Variants in IFIH1 observed in about 807,000 individuals in gnomAD.
IFIH1 encodes interferon induced with helicase C domain 1, also known as interferon-induced helicase C domain-containing protein 1.
IFIH1 carries 125 observed loss-of-function variants against 107.4 expected under a neutral mutation model. The observed-to-expected ratio is 1.16, with a 90% CI of 1.01 to 1.35. IFIH1 has a LOEUF of 1.35. IFIH1 is among the 40% of genes most tolerant of loss of function. The probability of loss-of-function intolerance (pLI) is 0.00; values close to 1 mark genes in which losing one functional copy is unlikely to be tolerated. For missense variants in IFIH1, 1,333 were observed against 1,213.7 expected, an observed-to-expected ratio of 1.10 and a Z score of -1.46; for synonymous variants, 458 against 413.2, an observed-to-expected ratio of 1.11 and a Z score of -1.31.
Position 162,318,385 on chromosome 2 carries a change from C to T in IFIH1, c.-78G>A. 1 of 1,164,876 alleles carries T rather than the reference C, an allele frequency of 8.6e-7. No individual in the cohort carries two copies. Among genetic ancestry groups the T allele is most frequent in the Non-Finnish European group, 1.3e-6 (1 of 796,592 alleles). 72.2% of individuals were successfully genotyped at this position (1,164,876 alleles called of 1,614,324 possible). On this transcript the variant is annotated 5_prime_UTR_variant, in exon 1 of 16. Coordinates refer to ENST00000649979, the MANE Select transcript of IFIH1 (RefSeq NM_022168.4). ...CTGCGGGACAGGTGAAATGTGCGTGCCGCTGTCCGCTGCCCACTTAGAGAA... is the reference window on the plus strand; with the variant it reads ...CTGCGGGACAGGTGAAATGTGCGTGTCGCTGTCCGCTGCCCACTTAGAGAA...
intron 4 of IFIH1, among the ~76,000 whole-genome samples, chr2:162,290,534 A>G (rs188973021): frequency 6.6e-6 from 1 of 152,004 alleles, no homozygotes; most frequent in East Asian, 1.9e-4. Flanking sequence ...TTAAGTAGGC[A>G]TGTACCACAA....
At chr2:162,273,391 A>C (rs938273349) in intron 12 of IFIH1, among the ~76,000 whole-genome samples, 2 of 152,152 alleles carry the variant, frequency 1.3e-5, no homozygotes, top group Admixed American at 1.3e-4. Flanking sequence ...CAGAAACAGC[A>C]GGGCTCCCTC....
intron 14 of IFIH1, 85 bp from the exon 15 acceptor site, chr2:162,267,654 A>C: frequency 1.1e-4 from 111 of 977,016 alleles, no homozygotes; most frequent in Non-Finnish European, 1.6e-4. Flanking sequence ...CCTGGAGCTC[A>C]TCCGCATGCC....
intron 1 of IFIH1, among the ~76,000 whole-genome samples, chr2:162,317,106 C>A (rs1236070681): frequency 6.6e-6 from 1 of 151,428 alleles, no homozygotes; most frequent in East Asian, 1.9e-4. Context: ...TAATGTAGGG[C>A]AAAGATTGGA....
intron 11 of IFIH1, among the ~76,000 whole-genome samples, chr2:162,276,245 G>T (rs2105195996): frequency 6.6e-6 from 1 of 152,266 alleles, no homozygotes; most frequent in South Asian, 2.1e-4. Flanking sequence ...ATGTATTCAT[G>T]GGTGGTGAGA....
intron 4 of IFIH1, among the ~76,000 whole-genome samples, chr2:162,292,931 T>TC (rs11403491): frequency 6.6e-6 from 1 of 151,708 alleles, no homozygotes; most frequent in African/African-American, 2.4e-5. Flanking sequence ...ACTAACAAAT[T>TC]GGAAAACTGA....
At chr2:162,296,727 G>C (rs1683090259) in intron 3 of IFIH1, among the ~76,000 whole-genome samples, 1 of 152,096 alleles carries the variant, frequency 6.6e-6, no homozygotes, top group African/African-American at 2.4e-5. Context: ...AGAACTTAGA[G>C]AGATGATTTT....
chr2:162,288,962 C>A (rs1371591921), intron 4 of IFIH1, among the ~76,000 whole-genome samples: 2 of 149,864 alleles, frequency 1.3e-5, no homozygotes, highest in Non-Finnish European at 3.0e-5. Context: ...CACACAGACA[C>A]CCTATCTATC....
At chr2:162,287,802 C>T (rs1002302731) in intron 5 of IFIH1, among the ~76,000 whole-genome samples, 2 of 151,796 alleles carry the variant, frequency 1.3e-5, no homozygotes, top group East Asian at 1.9e-4. Flanking sequence ...AGCTAGTTAA[C>T]CTTAAAGTAT....
chr2:162,317,016 GGTGTGTGTGTGT>G (rs56835671), intron 1 of IFIH1, among the ~76,000 whole-genome samples: 4 of 143,948 alleles, frequency 2.8e-5, no homozygotes, highest in Admixed American at 6.9e-5. Flanking sequence ...AAAGAAAAAG[GGTGTGTGTGTGT>G]GTGTGTGTGT....
intron 13 of IFIH1, among the ~76,000 whole-genome samples, chr2:162,271,633 C>T (rs190694902): frequency 6.2e-4 from 94 of 152,278 alleles, no homozygotes; most frequent in African/African-American, 2.3e-3. Context: ...TCAAAAACTA[C>T]TAAAAACAAG....
intron 14 of IFIH1, 104 bp from the exon 15 acceptor site, chr2:162,267,673 T>C (rs1690953184): frequency 1.2e-6 from 1 of 823,074 alleles, no homozygotes; most frequent in East Asian, 2.5e-5. Flanking sequence ...CCTGCGGTAT[T>C]CTACACGGCA....
Position 162,310,865 on chromosome 2 carries a change from T to C in IFIH1, c.522A>G (p.Lys174=), listed in dbSNP as rs1308178507. ...TCAGAAATGCAGAGAACCAGTTTTC[T>C]TTCTGCACAATCCTTTTTAGTAGCT... ...VRELLKRIVQ[K]ENWFSAFLNV... The change falls in exon 2 of 16, where the codon AAA becomes AAG. Residue 174 remains lysine, a synonymous_variant. Coordinates refer to ENST00000649979, the MANE Select transcript of IFIH1 (RefSeq NM_022168.4). The C allele has an allele frequency of 6.2e-7, 1 of 1,613,638 alleles. No homozygotes were observed. Among genetic ancestry groups the C allele is most frequent in the Non-Finnish European group, 8.5e-7 (1 of 1,179,594 alleles).
intron 13 of IFIH1, 151 bp downstream of exon 13, chr2:162,272,075 T>C: frequency 3.0e-6 from 2 of 656,236 alleles, no homozygotes; most frequent in South Asian, 1.7e-5. Context: ...CTTGATTCTC[T>C]GCATGTGAAT....
chr2:162,301,703 A>T (rs1371868576), intron 3 of IFIH1, among the ~76,000 whole-genome samples: 5 of 152,238 alleles, frequency 3.3e-5, no homozygotes, highest in Admixed American at 6.5e-5. Flanking sequence ...GCTATATAGA[A>T]GTCAATTATT....
At chr2:162,297,944 T>C (rs1385575135) in intron 3 of IFIH1, among the ~76,000 whole-genome samples, 2 of 152,062 alleles carry the variant, frequency 1.3e-5, no homozygotes, top group East Asian at 3.9e-4. Flanking sequence ...GGCAGAAATA[T>C]TAACTGAAAT....
intron 1 of IFIH1, among the ~76,000 whole-genome samples, chr2:162,316,321 C>G (rs1683488222): frequency 6.6e-6 from 1 of 152,182 alleles, no homozygotes; most frequent in African/African-American, 2.4e-5. Context: ...GGCTTGAAGG[C>G]TGCATACTTT....
At chr2:162,311,390 C>A (rs1683382519) in intron 1 of IFIH1, among the ~76,000 whole-genome samples, 2 of 151,996 alleles carry the variant, frequency 1.3e-5, no homozygotes, top group South Asian at 4.1e-4. Context: ...CATTTCTTAT[C>A]TCCTTTCTTC....
At chr2:162,307,286 A>G (rs1683301332) in intron 2 of IFIH1, 1 of 153,226 alleles carries the variant, frequency 6.5e-6, no homozygotes, top group Non-Finnish European at 1.5e-5. Flanking sequence ...CGTCATGTTT[A>G]GGAAGTAAGT....
Sources: gnomAD v4.1 joint callset for allele counts (sites outside exome capture counted in the v4.1 genomes callset) on GRCh38, gnomAD v4.1.1 for gene constraint, MANE v1.5 for transcripts, NCBI Gene and HGNC (gene_info 2026-07-23, HGNC 2026-07-21) for gene names.